CDK15: variants seen among roughly 807,000 people sequenced by gnomAD.
The protein encoded by CDK15 is cyclin-dependent kinase 15.
Under a neutral mutation model 60.3 loss-of-function variants are expected in CDK15, and 62 were observed. The observed-to-expected ratio is 1.03, with a 90% CI of 0.84 to 1.27. CDK15 has a LOEUF of 1.27. Ranked by LOEUF, CDK15 falls within the 50% of genes most tolerant of loss-of-function variation. CDK15 has a pLI of 0.00. For missense variants in CDK15, 541 were observed against 527.8 expected, an observed-to-expected ratio of 1.03 and a Z score of -0.25; for synonymous variants, 194 against 195.7, an observed-to-expected ratio of 0.99 and a Z score of 0.07.
At chr2:201,829,532 C>T (rs12185749) in intron 6 of CDK15, among the ~76,000 whole-genome samples, 35,732 of 151,982 alleles carry the variant, frequency 0.24, 4,420 homozygotes, top group East Asian at 0.4. Flanking sequence ...GGAGAGATAC[C>T]ATGAATTGTG....
chr2:201,845,644 A>G (rs1019445136), intron 8 of CDK15, among the ~76,000 whole-genome samples: 1 of 151,700 alleles, frequency 6.6e-6, no homozygotes, highest in African/African-American at 2.4e-5. Flanking sequence ...AAAAGTAAAA[A>G]TATGTAATAA....
chr2:201,836,748 T>A (rs987001064), intron 8 of CDK15, among the ~76,000 whole-genome samples: 1 of 150,250 alleles, frequency 6.7e-6, no homozygotes, highest in Non-Finnish European at 1.5e-5. Flanking sequence ...TGCACACACA[T>A]CTGCATGAAC....
At position 201,841,597 on chromosome 2, in the gene CDK15, G is replaced by A. The variant is rs116510486; in HGVS notation, c.852-5784G>A. ...AAGAAAGAATAATCCTATTCTGCTA[G>A]GCCATGCAACCCCATAGGGTCCAAA... On this transcript the variant is annotated intron_variant, in intron 8 of 13. Coordinates refer to ENST00000652192, the MANE Select transcript of CDK15 (RefSeq NM_001366386.2). Among the ~76,000 whole-genome samples, 1,043 of 152,300 alleles carry A rather than the reference G, an allele frequency of 6.8e-3. 8 individuals are homozygous for A. The highest frequency in any genetic ancestry group is 0.024 in the African/African-American group (1,013 of 41,562).
chr2:201,855,608 A>C (rs1448190880), intron 10 of CDK15, among the ~76,000 whole-genome samples: 2 of 152,178 alleles, frequency 1.3e-5, no homozygotes, highest in African/African-American at 2.4e-5. Context: ...GGAGACAGGC[A>C]CTGAACTACA....
chr2:201,887,831 T>A (rs1699510085), intron 12 of CDK15, among the ~76,000 whole-genome samples: 1 of 152,210 alleles, frequency 6.6e-6, no homozygotes, highest in African/African-American at 2.4e-5. Context: ...TGCTGTGTGA[T>A]CCTCTGGGCT....
chr2:201,884,137 T>C (rs1490945911), intron 12 of CDK15, among the ~76,000 whole-genome samples: 1 of 152,110 alleles, frequency 6.6e-6, no homozygotes, highest in East Asian at 1.9e-4. Flanking sequence ...GATTTAAGAG[T>C]CTGGTCTTTA....
At chr2:201,869,234 A>G (rs1037142339) in intron 10 of CDK15, among the ~76,000 whole-genome samples, 2 of 152,308 alleles carry the variant, frequency 1.3e-5, no homozygotes, top group East Asian at 1.9e-4. Context: ...TTGCAGGGAC[A>G]TGGATGCAGC....
chr2:201,834,038 C>T lies in CDK15; in HGVS notation c.730+67C>T, dbSNP rs149648763. 1.5e-3 allele frequency: 2,354 copies of T among 1,558,992 alleles called. 35 individuals carry two copies. The African/African-American group carries it at 0.029, about 19-fold the overall frequency. ...ATGCTTTTGTGTGCACTTGTTTAAG[C>T]GTTGACTGGGCCTGGCCTTTGAAAA... On this transcript the variant is annotated intron_variant, in intron 7 of 13. Transcript: ENST00000652192.
chr2:201,890,372 G>A (rs1206340788), intron 12 of CDK15, among the ~76,000 whole-genome samples: 3 of 152,086 alleles, frequency 2.0e-5, no homozygotes. Flanking sequence ...CTTCACTATT[G>A]AGGGCATAGT....
chr2:201,844,914 T>A (rs536867918), intron 8 of CDK15, among the ~76,000 whole-genome samples: 1 of 152,280 alleles, frequency 6.6e-6, no homozygotes, highest in East Asian at 1.9e-4. Flanking sequence ...TTTGGAAGGC[T>A]GAGGCAGGCG....
rs1444833087 is a variant in CDK15 at position 201,812,482 on chromosome 2, G to C, written c.369-1G>C. On this transcript the variant is annotated splice_acceptor_variant, in intron 3 of 13. Coordinates refer to ENST00000652192, the MANE Select transcript of CDK15 (RefSeq NM_001366386.2). LOFTEE classifies it high-confidence loss of function. Reference sequence around the variant, plus strand: ...TGTGCCCCTCAATCCCTCTCTTCTAGAATAAATGGACAACTAGTGGCTTTA... The same window carrying C: ...TGTGCCCCTCAATCCCTCTCTTCTACAATAAATGGACAACTAGTGGCTTTA... 28 of 1,610,224 alleles carry C rather than the reference G, an allele frequency of 1.7e-5. No individual in the cohort carries two copies. Among genetic ancestry groups the C allele is most frequent in the Non-Finnish European group, 2.3e-5 (27 of 1,177,336 alleles).
At chr2:201,848,280 G>A (rs914242328) in intron 9 of CDK15, among the ~76,000 whole-genome samples, 7 of 151,946 alleles carry the variant, frequency 4.6e-5, no homozygotes, top group African/African-American at 7.3e-5. Flanking sequence ...TATCCCTACC[G>A]CAGTTGCCTA....
At chr2:201,872,166 G>A in intron 10 of CDK15, 112 bp from the exon 11 acceptor site, 8 of 1,116,084 alleles carry the variant, frequency 7.2e-6, no homozygotes, top group Non-Finnish European at 1.1e-5. Flanking sequence ...CCTGATACTT[G>A]AATCATTTTT....
chr2:201,869,516 C>T (rs1396254264), intron 10 of CDK15, among the ~76,000 whole-genome samples: 1 of 150,974 alleles, frequency 6.6e-6, no homozygotes, highest in African/African-American at 2.4e-5. Context: ...TACCCTAGAA[C>T]TTAAAGTACA....
At chr2:201,825,640 G>A (rs1696447452) in intron 6 of CDK15, among the ~76,000 whole-genome samples, 1 of 152,114 alleles carries the variant, frequency 6.6e-6, no homozygotes, top group South Asian at 2.1e-4. Context: ...CTGCACCATC[G>A]CGGGACTTTT....
chr2:201,812,600 G>T, intron 4 of CDK15, 38 bp downstream of exon 4: 1 of 1,434,980 alleles, frequency 7.0e-7, no homozygotes, highest in South Asian at 1.2e-5. Context: ...GATCTGTTTT[G>T]AGTCCTTGAT....
chr2:201,858,810 A>ATC (rs1698255897), intron 10 of CDK15, among the ~76,000 whole-genome samples: 1 of 152,092 alleles, frequency 6.6e-6, no homozygotes, highest in Non-Finnish European at 1.5e-5. Flanking sequence ...GAGGGAGGAG[A>ATC]AAAAAGTGTT....
In CDK15 at chr2:201,814,948, CATT is replaced by C. The variant is rs1450867640; in HGVS notation, c.448+2387_448+2389del. On this transcript the variant is annotated intron_variant, in intron 4 of 13. Coordinates refer to ENST00000652192, the MANE Select transcript of CDK15 (RefSeq NM_001366386.2). ...CAAAAGTATGAACAGCACTAAGGAACATTTTTTTTTTTTTTTTTTTGAGACGAA... is the reference window on the plus strand; with the variant it reads ...CAAAAGTATGAACAGCACTAAGGAACTTTTTTTTTTTTTTTTTGAGACGAA... 4.5e-4 allele frequency among the ~76,000 whole-genome samples: 41 copies of C among 91,210 alleles called. No homozygotes were observed. In the South Asian group the frequency reaches 0.017, roughly 38 times the overall value. The allele number at this position is 91,210 out of a possible 152,430, so 59.8% of individuals were successfully genotyped here. A position where few individuals can be genotyped will look rare whatever the true frequency, so the allele number is the denominator to read the frequency against.
intron 13 of CDK15, among the ~76,000 whole-genome samples, chr2:201,891,389 T>G (rs559229526): frequency 2.0e-5 from 3 of 152,332 alleles, no homozygotes; most frequent in Admixed American, 2.0e-4. Context: ...TGTTTTCCGT[T>G]AACTAGGGAA....
Sources: gnomAD v4.1 joint callset for allele counts (sites outside exome capture counted in the v4.1 genomes callset) on GRCh38, gnomAD v4.1.1 for gene constraint, MANE v1.5 for transcripts, NCBI Gene and HGNC (gene_info 2026-07-23, HGNC 2026-07-21) for gene names.